SLIRP: variants seen among roughly 807,000 people sequenced by gnomAD.
The protein encoded by SLIRP is SRA stem-loop interacting RNA binding protein.
In SLIRP, 12 loss-of-function variants were observed where a neutral mutation model predicts 13.4. The ratio of observed to expected loss-of-function variants is 0.89; its 90% confidence interval spans 0.57 to 1.45. The LOEUF (loss-of-function observed/expected upper bound fraction) is 1.45. SLIRP is among the 40% of genes most tolerant of loss of function. The pLI is 0.00. For synonymous variants in SLIRP, 55 were observed against 47.1 expected, an observed-to-expected ratio of 1.17 and a Z score of -0.69; for missense variants, 154 against 132.2, an observed-to-expected ratio of 1.17 and a Z score of -0.81.
chr14:77,717,251 A>G (rs1417311596), intron 3 of SLIRP, among the ~76,000 whole-genome samples: 1 of 152,202 alleles, frequency 6.6e-6, no homozygotes, highest in African/African-American at 2.4e-5. Flanking sequence ...GCTTGCCAAA[A>G]TGCTGGCATT....
chr14:77,710,134 TTTAAGA>T (rs1202016241), intron 1 of SLIRP, among the ~76,000 whole-genome samples: 1 of 152,236 alleles, frequency 6.6e-6, no homozygotes, highest in Non-Finnish European at 1.5e-5. Context: ...GTTTTTAGTC[TTTAAGA>T]TTATATACTC....
At chr14:77,709,665 C>T (rs764273414) in intron 1 of SLIRP, among the ~76,000 whole-genome samples, 16 of 152,202 alleles carry the variant, frequency 1.1e-4, no homozygotes, top group Non-Finnish European at 2.2e-4. Flanking sequence ...TTTTCCTTCA[C>T]CATTTTAGGC....
chr14:77,715,682 G>A (rs1340838399), intron 2 of SLIRP, 90 bp from the exon 3 acceptor site: 24 of 1,064,838 alleles, frequency 2.3e-5, no homozygotes, highest in Non-Finnish European at 3.2e-5. Context: ...TCCGATTTTT[G>A]GCAGATGAAA....
chr14:77,708,646 G>A (rs2080415343), intron 1 of SLIRP, among the ~76,000 whole-genome samples: 3 of 152,202 alleles, frequency 2.0e-5, no homozygotes, highest in South Asian at 4.1e-4. Context: ...AAGCAAATTA[G>A]ATGCCGTTTC....
At chr14:77,714,179 G>A (rs1274150730) in intron 2 of SLIRP, among the ~76,000 whole-genome samples, 1 of 151,772 alleles carries the variant, frequency 6.6e-6, no homozygotes, top group Non-Finnish European at 1.5e-5. Context: ...CTAATTTTTT[G>A]TACTCTTTGT....
At chr14:77,715,600 A>G (rs540203502) in intron 2 of SLIRP, among the ~76,000 whole-genome samples, 172 bp from the exon 3 acceptor site, 5 of 152,278 alleles carry the variant, frequency 3.3e-5, no homozygotes, top group African/African-American at 1.2e-4. Flanking sequence ...AGTTGCGTTC[A>G]TACCACTGCA....
At chr14:77,715,420 G>C (rs2139881572) in intron 2 of SLIRP, among the ~76,000 whole-genome samples, 1 of 152,284 alleles carries the variant, frequency 6.6e-6, no homozygotes, top group South Asian at 2.1e-4. Flanking sequence ...CAGATGGGAA[G>C]ATTGCTTGAG....
At chr14:77,708,438 A>G (rs2080413472) in intron 1 of SLIRP, among the ~76,000 whole-genome samples, 3 of 152,204 alleles carry the variant, frequency 2.0e-5, no homozygotes, top group Admixed American at 2.0e-4. Flanking sequence ...GATTTGGTGT[A>G]AAGATTTATT....
At chr14:77,715,298 G>A (rs923739522) in intron 2 of SLIRP, among the ~76,000 whole-genome samples, 10 of 152,068 alleles carry the variant, frequency 6.6e-5, no homozygotes, top group Non-Finnish European at 1.5e-4. Context: ...ATTTAGCCTT[G>A]GGTAATCAGG....
intron 1 of SLIRP, 59 bp downstream of exon 1, chr14:77,708,267 T>G: frequency 6.4e-7 from 1 of 1,557,678 alleles, no homozygotes. Context: ...CCTCAAAGCT[T>G]CTGCTTTTTG....
chr14:77,708,241 T>G, intron 1 of SLIRP, 33 bp downstream of exon 1: 1 of 1,605,908 alleles, frequency 6.2e-7, no homozygotes, highest in Non-Finnish European at 8.5e-7. Flanking sequence ...TAGTGGAATT[T>G]TTAGGTCCAA....
intron 2 of SLIRP, 86 bp downstream of exon 2, chr14:77,710,982 C>CA: frequency 9.2e-7 from 1 of 1,090,586 alleles, no homozygotes; most frequent in East Asian, 2.4e-5. Context: ...TTTGATAGTA[C>CA]AACAGGGTGA....
chr14:77,716,259 G>A (rs991774562), intron 3 of SLIRP: 14 of 161,438 alleles, frequency 8.7e-5, no homozygotes, highest in African/African-American at 1.7e-4. Context: ...GGAGCCTGCA[G>A]TGAGCCGAGA....
chr14:77,708,673 G>C (rs890398981), intron 1 of SLIRP, among the ~76,000 whole-genome samples: 1 of 152,214 alleles, frequency 6.6e-6, no homozygotes, highest in African/African-American at 2.4e-5. Context: ...GCTTAAGTGG[G>C]AGAAGTGTAC....
At chr14:77,713,753 T>G (rs2139879459) in intron 2 of SLIRP, among the ~76,000 whole-genome samples, 1 of 152,290 alleles carries the variant, frequency 6.6e-6, no homozygotes, top group South Asian at 2.1e-4. Context: ...TTTATATAGT[T>G]GAATAGAAAA....
intron 3 of SLIRP, 136 bp downstream of exon 3, chr14:77,716,015 G>T: frequency 1.3e-6 from 1 of 750,680 alleles, no homozygotes; most frequent in South Asian, 1.9e-5. Context: ...CTTAATGCTT[G>T]TTAAGAATGG....
chr14:77,714,875 G>T (rs1396916281), intron 2 of SLIRP, among the ~76,000 whole-genome samples: 1 of 152,152 alleles, frequency 6.6e-6, no homozygotes. Flanking sequence ...TCTGTTTTCT[G>T]TCGAAGGGCT....
intron 3 of SLIRP, among the ~76,000 whole-genome samples, chr14:77,717,208 G>A (rs1487467040): frequency 1.3e-5 from 2 of 152,124 alleles, no homozygotes; most frequent in African/African-American, 4.8e-5. Context: ...GGGTGGTGTT[G>A]AACTCCTGGC....
rs575994037 is a variant in SLIRP, at chr14:77,717,361, A to G, written c.265-135A>G. ...GATGGTAAAAGGAATTTGAGGAGAAAACGAAAGAACAAGGGACAAATAAAA... is the reference window on the plus strand; with the variant it reads ...GATGGTAAAAGGAATTTGAGGAGAAGACGAAAGAACAAGGGACAAATAAAA... On this transcript the variant is annotated intron_variant, in intron 3 of 3. Coordinates refer to ENST00000557342, the MANE Select transcript of SLIRP (RefSeq NM_031210.6). The G allele has an allele frequency of 4.5e-5, 33 of 736,314 alleles. No individual in the cohort carries two copies. The South Asian group carries it at 5.4e-4, about 12-fold the overall frequency. The allele number at this position is 736,314 out of a possible 1,614,324, so 45.6% of individuals were successfully genotyped here. A position where few individuals can be genotyped will look rare whatever the true frequency, so the allele number is the denominator to read the frequency against.
Sources: allele counts gnomAD v4.1 joint callset (sites outside exome capture counted in the v4.1 genomes callset), GRCh38; gene constraint gnomAD v4.1.1; transcripts MANE v1.5; gene names NCBI Gene and HGNC (gene_info 2026-07-23, HGNC 2026-07-21).